Variants in ZDHHC5 observed in about 807,000 individuals in gnomAD.
The protein encoded by ZDHHC5 is zDHHC palmitoyltransferase 5, also known as palmitoyltransferase ZDHHC5.
Under a neutral mutation model 70.0 loss-of-function variants are expected in ZDHHC5, and 22 were observed. The observed-to-expected ratio is 0.31, with a 90% CI of 0.22 to 0.45. ZDHHC5 has a LOEUF of 0.45. Ranked by LOEUF, ZDHHC5 falls within the 20% of genes least tolerant of loss-of-function variation. The probability of loss-of-function intolerance (pLI) is 1.00; values close to 1 mark genes in which losing one functional copy is unlikely to be tolerated. For missense variants in ZDHHC5, 746 were observed against 926.9 expected, an observed-to-expected ratio of 0.80 and a Z score of 2.53; for synonymous variants, 313 against 347.8, an observed-to-expected ratio of 0.90 and a Z score of 1.11.
At chr11:57,685,234 G>A (rs1306864749) in intron 3 of ZDHHC5, among the ~76,000 whole-genome samples, 3 of 152,160 alleles carry the variant, frequency 2.0e-5, no homozygotes, top group Non-Finnish European at 4.4e-5. Flanking sequence ...ATTGGGTGAG[G>A]GAAAAGAACT....
chr11:57,697,591 C>T (rs1487724121), intron 10 of ZDHHC5, among the ~76,000 whole-genome samples: 2 of 142,566 alleles, frequency 1.4e-5, no homozygotes, highest in Non-Finnish European at 3.0e-5. Context: ...GGCAGTGAGT[C>T]GAGATTGCGC....
rs752124059 is a variant in ZDHHC5 at position 57,690,399 on chromosome 11, G to C, written c.622G>C (p.Val208Leu). The change falls in exon 6 of 12, where the codon GTG becomes CTG. Residue 208 changes from valine (V) to leucine (L), a missense_variant. Val to Leu is a conservative substitution (Grantham distance 32). Around this residue, in one of 6 missense-constraint regions of ZDHHC5, gnomAD observed 114 missense variants for 179.3 expected, o/e 0.64. Coordinates refer to ENST00000287169, the MANE Select transcript of ZDHHC5 (RefSeq NM_015457.3). ...IPVAGLTGFH[V>L]VLVARGRTTN... ...TGTAGCTGGCCTCACGGGATTTCAC[G>C]TGGTTCTGGTGGCCAGGGGACGCAC... The C allele has an allele frequency of 6.2e-7, 1 of 1,614,178 alleles. No individual in the cohort carries two copies. The highest frequency in any genetic ancestry group is 8.5e-7 in the Non-Finnish European group (1 of 1,180,044).
chr11:57,672,410 C>T lies in ZDHHC5; in HGVS notation c.-681C>T. 2.6e-6 allele frequency: 1 copy of T among 391,382 alleles called. No individual in the cohort carries two copies. The allele number at this position is 391,382 out of a possible 1,614,324, so 24.2% of individuals were successfully genotyped here. On this transcript the variant is annotated 5_prime_UTR_variant, in exon 2 of 12. Coordinates refer to ENST00000287169, the MANE Select transcript of ZDHHC5 (RefSeq NM_015457.3). ...GCCATCAAGAGAGAAATAAATTAAA[C>T]CACCATTGCCAGACTACAAGCCCTG...
intron 3 of ZDHHC5, among the ~76,000 whole-genome samples, chr11:57,687,864 G>A (rs933638685): frequency 1.4e-4 from 20 of 141,534 alleles, no homozygotes; most frequent in African/African-American, 4.1e-4. Flanking sequence ...TCCACTTCCC[G>A]GGTTCAAGCG....
intron 1 of ZDHHC5, among the ~76,000 whole-genome samples, chr11:57,670,352 TC>T (rs899284242): frequency 1.3e-5 from 2 of 151,774 alleles, no homozygotes; most frequent in Non-Finnish European, 2.9e-5. Flanking sequence ...CCTCCTGTAA[TC>T]CCAGCTGCTC....
intron 1 of ZDHHC5, 91 bp from the exon 2 acceptor site, chr11:57,671,930 A>G: frequency 3.8e-6 from 1 of 261,164 alleles, no homozygotes. Flanking sequence ...TTCAGAAAGT[A>G]CTTTTTAACA....
chr11:57,670,820 A>ATTTTTTTTTTTTTT (rs36089922), intron 1 of ZDHHC5, among the ~76,000 whole-genome samples: 1 of 128,530 alleles, frequency 7.8e-6, no homozygotes, highest in African/African-American at 2.8e-5. Flanking sequence ...GAATCTTCTG[A>ATTTTTTTTTTTTTT]TTTTTTTTTT....
At chr11:57,685,721 C>T (rs1345287093) in intron 3 of ZDHHC5, among the ~76,000 whole-genome samples, 1 of 152,026 alleles carries the variant, frequency 6.6e-6, no homozygotes, top group Non-Finnish European at 1.5e-5. Flanking sequence ...GATAGGAAGA[C>T]ACCTCTATAA....
intron 10 of ZDHHC5, among the ~76,000 whole-genome samples, chr11:57,697,449 C>T (rs983991567): frequency 4.0e-5 from 6 of 149,700 alleles, no homozygotes; most frequent in Non-Finnish European, 7.4e-5. Flanking sequence ...GGCAGCAGAG[C>T]GAGACCGCAT....
In ZDHHC5 at chr11:57,668,143, C is replaced by T. The variant is rs1032033900; in HGVS notation, c.-1115C>T. ...GAGGCAGGACGGCACTGCCGGGAGG[C>T]GGCGGTGACAACGACGGCGGTGGTG... On this transcript the variant is annotated 5_prime_UTR_variant, in exon 1 of 12. Coordinates refer to ENST00000287169, the MANE Select transcript of ZDHHC5 (RefSeq NM_015457.3). The T allele has an allele frequency of 1.1e-5, 4 of 368,908 alleles. No homozygotes were observed. Among genetic ancestry groups the T allele is most frequent in the Non-Finnish European group, 1.9e-5 (4 of 207,198 alleles). 22.9% of individuals were successfully genotyped at this position (368,908 alleles called of 1,614,324 possible).
chr11:57,682,646 G>C, intron 3 of ZDHHC5, 103 bp downstream of exon 3: 1 of 1,392,474 alleles, frequency 7.2e-7, no homozygotes, highest in Non-Finnish European at 9.5e-7. Context: ...TGGGATTTTG[G>C]GATATGAAAA....
chr11:57,696,719 A>C (rs1168349527), intron 9 of ZDHHC5, 42 bp from the exon 10 acceptor site: 3 of 1,588,124 alleles, frequency 1.9e-6, no homozygotes, highest in Non-Finnish European at 2.6e-6. Flanking sequence ...AAACCAAAAA[A>C]CCGCTTGTAA....
At chr11:57,692,488 G>GTGT (rs771864466) in intron 6 of ZDHHC5, 123 bp from the exon 7 acceptor site, 12 of 736,090 alleles carry the variant, frequency 1.6e-5, no homozygotes, top group Non-Finnish European at 2.7e-5. Flanking sequence ...TAAATTTCTT[G>GTGT]TGTTTTACTC....
At chr11:57,689,401 G>A (rs1205160523) in intron 4 of ZDHHC5, among the ~76,000 whole-genome samples, 11 of 151,614 alleles carry the variant, frequency 7.3e-5, no homozygotes, top group Middle Eastern at 3.4e-3. Context: ...TTATCGAGAC[G>A]GAGTCTCGCT....
At chr11:57,682,596 G>A (rs1165370534) in intron 3 of ZDHHC5, 53 bp downstream of exon 3, 2 of 1,592,548 alleles carry the variant, frequency 1.3e-6, no homozygotes, top group Admixed American at 1.7e-5. Context: ...GAAAAATAAT[G>A]AGTTGGCCAT....
intron 6 of ZDHHC5, among the ~76,000 whole-genome samples, chr11:57,691,747 A>G (rs1946287584): frequency 6.6e-6 from 1 of 152,090 alleles, no homozygotes; most frequent in Non-Finnish European, 1.5e-5. Context: ...AGCAAGACAT[A>G]TGTATATGTA....
chr11:57,696,632 A>G, intron 9 of ZDHHC5, 129 bp from the exon 10 acceptor site: 1 of 753,502 alleles, frequency 1.3e-6, no homozygotes, highest in Admixed American at 2.3e-5. Flanking sequence ...GTGGGAGCCC[A>G]GGAGTTCAAG....
chr11:57,697,458 A>G (rs979503768), intron 10 of ZDHHC5, among the ~76,000 whole-genome samples: 3 of 150,892 alleles, frequency 2.0e-5, no homozygotes, highest in African/African-American at 7.3e-5. Context: ...GCGAGACCGC[A>G]TCTCAAAAAA....
chr11:57,678,432 G>A (rs1246797327), intron 2 of ZDHHC5, among the ~76,000 whole-genome samples: 2 of 151,958 alleles, frequency 1.3e-5, no homozygotes, highest in African/African-American at 2.4e-5. Context: ...TTAGCCAGGC[G>A]TGGTGGTGGG....
Sources: allele counts gnomAD v4.1 joint callset (sites outside exome capture counted in the v4.1 genomes callset), GRCh38; gene constraint gnomAD v4.1.1; regional missense constraint gnomAD v4.1.1; transcripts MANE v1.5; gene names NCBI Gene and HGNC (gene_info 2026-07-23, HGNC 2026-07-21).